The following DLGAP2 variants were observed in gnomAD, a reference collection of about 807,000 sequenced individuals.
The protein encoded by DLGAP2 is disks large-associated protein 2.
In DLGAP2, 26 loss-of-function variants were observed where a neutral mutation model predicts 100.3. The ratio of observed to expected loss-of-function variants is 0.26; its 90% CI spans 0.19 to 0.36. The LOEUF (loss-of-function observed/expected upper bound fraction) is 0.36, where lower values mean the gene tolerates loss of function less well. Ranked by LOEUF, DLGAP2 falls within the 10% of genes least tolerant of loss-of-function variation. The pLI is 1.00. For missense variants in DLGAP2, 1,858 were observed against 1,453.2 expected (o/e 1.28, Z -4.53); for synonymous variants, 886 against 630.1 (o/e 1.41, Z -6.08).
At chr8:1,651,882 G>A (rs1374885087) in intron 8 of DLGAP2, among the ~76,000 whole-genome samples, 2 of 152,182 alleles carry the variant, frequency 1.3e-5, no homozygotes, top group Non-Finnish European at 2.9e-5. Flanking sequence ...AGCCCCGCCT[G>A]CACCTCTGGT....
chr8:1,609,671 C>T (rs1796931637), intron 6 of DLGAP2, among the ~76,000 whole-genome samples: 1 of 103,702 alleles, frequency 9.6e-6, no homozygotes, highest in East Asian at 4.2e-4. Context: ...CACATAGGCT[C>T]AAAATAAAAG....
At chr8:1,344,358 G>A (rs1437643885) in intron 3 of DLGAP2, among the ~76,000 whole-genome samples, 2 of 152,190 alleles carry the variant, frequency 1.3e-5, no homozygotes, top group Non-Finnish European at 2.9e-5. Context: ...CTCGCACATG[G>A]CCGGGACACA....
At chr8:1,528,272 A>G (rs761511632) in intron 4 of DLGAP2, among the ~76,000 whole-genome samples, 5 of 152,232 alleles carry the variant, frequency 3.3e-5, no homozygotes, top group Non-Finnish European at 7.3e-5. Context: ...AGCCCACCCC[A>G]GGCAGGAGGA....
chr8:1,117,920 C>T (rs1168327871), intron 2 of DLGAP2, among the ~76,000 whole-genome samples: 1 of 151,814 alleles, frequency 6.6e-6, no homozygotes, highest in Non-Finnish European at 1.5e-5. Context: ...GCAATTCAAA[C>T]ATGGAAAAAG....
chr8:1,226,881 A>C (rs1798426980), intron 2 of DLGAP2, among the ~76,000 whole-genome samples: 1 of 152,068 alleles, frequency 6.6e-6, no homozygotes, highest in African/African-American at 2.4e-5. Context: ...ATGTTAGTGC[A>C]GAGAAAAGGG....
chr8:1,029,529 G>A (rs965831415), intron 2 of DLGAP2, among the ~76,000 whole-genome samples: 1 of 152,072 alleles, frequency 6.6e-6, no homozygotes, highest in Non-Finnish European at 1.5e-5. Context: ...AGAGGTTCGG[G>A]TAGGACGACC....
chr8:1,262,107 A>T (rs1255727962), intron 3 of DLGAP2, among the ~76,000 whole-genome samples: 1 of 152,294 alleles, frequency 6.6e-6, no homozygotes, highest in South Asian at 2.1e-4. Flanking sequence ...ACTTCTTTGG[A>T]TACAGATGGA....
At chr8:1,302,837 G>C (rs917110362) in intron 3 of DLGAP2, among the ~76,000 whole-genome samples, 8 of 152,254 alleles carry the variant, frequency 5.3e-5, no homozygotes, top group Non-Finnish European at 1.2e-4. Context: ...TGACGGCGCC[G>C]CTGGAGTCGA....
chr8:793,890 G>T (rs1037898767), intron 1 of DLGAP2, among the ~76,000 whole-genome samples: 12 of 152,124 alleles, frequency 7.9e-5, no homozygotes, highest in African/African-American at 2.4e-4. Context: ...TCTCAGCTTT[G>T]TTTCCTGCTG....
intron 2 of DLGAP2, among the ~76,000 whole-genome samples, chr8:1,226,074 G>C (rs893287269): frequency 1.3e-5 from 2 of 151,864 alleles, no homozygotes; most frequent in East Asian, 1.9e-4. Context: ...TCTAATAAGG[G>C]GGTAATATCC....
At chr8:1,615,158 G>A (rs1287201190) in intron 6 of DLGAP2, among the ~76,000 whole-genome samples, 3 of 152,182 alleles carry the variant, frequency 2.0e-5, no homozygotes, top group Non-Finnish European at 4.4e-5. Flanking sequence ...AACATTTGCG[G>A]ACCCCTGAAA....
chr8:1,115,463 T>A (rs373006780), intron 2 of DLGAP2, among the ~76,000 whole-genome samples: 1 of 152,228 alleles, frequency 6.6e-6, no homozygotes, highest in African/African-American at 2.4e-5. Flanking sequence ...GGAATAACTT[T>A]TCATCTGAAA....
intron 4 of DLGAP2, among the ~76,000 whole-genome samples, chr8:1,530,388 G>T (rs975151071): frequency 6.6e-6 from 1 of 152,088 alleles, no homozygotes; most frequent in Non-Finnish European, 1.5e-5. Context: ...CAGAGTTTAA[G>T]GTTATCTCTC....
intron 3 of DLGAP2, among the ~76,000 whole-genome samples, chr8:1,446,250 T>G (rs1045827806): frequency 6.6e-6 from 1 of 152,208 alleles, no homozygotes; most frequent in Non-Finnish European, 1.5e-5. Flanking sequence ...CTTTAATCGA[T>G]CTTGAATTAA....
chr8:1,144,175 C>A (rs535983349), intron 2 of DLGAP2, among the ~76,000 whole-genome samples: 1 of 152,222 alleles, frequency 6.6e-6, no homozygotes, highest in African/African-American at 2.4e-5. Context: ...AGGGGAATGG[C>A]TTCCAGCGGG....
At chr8:922,637 T>A (rs905830034) in intron 2 of DLGAP2, among the ~76,000 whole-genome samples, 39 of 152,364 alleles carry the variant, frequency 2.6e-4, no homozygotes, top group Middle Eastern at 3.4e-3. Context: ...TTTGCAACCA[T>A]GAACCATATC....
chr8:1,679,725 T>C lies in DLGAP2; in HGVS notation c.2704+1096T>C, dbSNP rs143765335. On this transcript the variant is annotated intron_variant, in intron 12 of 14. Transcript: ENST00000637795. ...GGCCAGGCACGGTGGCTCACGCCTG[T>C]AATTCCAGCACTTTAGGAGGCTGAG... Among the ~76,000 whole-genome samples the C allele has an allele frequency of 1.4e-3, 218 of 152,246 alleles. 4 individuals carry two copies. Among genetic ancestry groups the C allele is most frequent in the African/African-American group, 4.9e-3 (203 of 41,546 alleles).
chr8:1,137,306 C>G (rs892181711), intron 2 of DLGAP2: 2 of 152,654 alleles, frequency 1.3e-5, no homozygotes, highest in Non-Finnish European at 2.9e-5. Flanking sequence ...TAGGCCGTCT[C>G]CAAACTATAG....
intron 2 of DLGAP2, among the ~76,000 whole-genome samples, chr8:1,094,471 AAAAG>A (rs1331648146): frequency 1.3e-5 from 2 of 152,200 alleles, no homozygotes; most frequent in Non-Finnish European, 2.9e-5. Flanking sequence ...TGGGTGAAGA[AAAAG>A]AAACAAAAAA....
Sources: gnomAD v4.1 joint callset for allele counts (sites outside exome capture counted in the v4.1 genomes callset) on GRCh38, gnomAD v4.1.1 for gene constraint, MANE v1.5 for transcripts, NCBI Gene and HGNC (gene_info 2026-07-23, HGNC 2026-07-21) for gene names.